The following NT5C2 variants were observed in gnomAD, a reference collection of about 807,000 sequenced individuals.
The protein encoded by NT5C2 is 5'-nucleotidase, cytosolic II.
Under a neutral mutation model 76.1 loss-of-function variants are expected in NT5C2, and 58 were observed. The ratio of observed to expected loss-of-function variants is 0.76; its 90% CI spans 0.62 to 0.95. The LOEUF (loss-of-function observed/expected upper bound fraction) is 0.95. NT5C2 is among the 40% of genes least tolerant of loss of function. NT5C2 has a pLI of 0.00. For missense variants in NT5C2, 478 were observed against 690.3 expected, an observed-to-expected ratio of 0.69 and a Z score of 3.45; for synonymous variants, 229 against 237.4, an observed-to-expected ratio of 0.96 and a Z score of 0.32.
At chr10:103,161,061 C>CAGT (rs539051213) in intron 3 of NT5C2, among the ~76,000 whole-genome samples, 25 of 152,248 alleles carry the variant, frequency 1.6e-4, no homozygotes, top group Non-Finnish European at 2.5e-4. Context: ...AACATTCATA[C>CAGT]ACTGCTAGAG....
chr10:103,093,756 C>A (rs559073029), intron 14 of NT5C2: 16 of 495,502 alleles, frequency 3.2e-5, no homozygotes, highest in Admixed American at 1.0e-4. Context: ...AAAAAAAAAA[C>A]TGATCATTTT....
intron 3 of NT5C2, 29 bp from the exon 4 acceptor site, chr10:103,139,508 C>A: frequency 7.3e-7 from 1 of 1,361,208 alleles, no homozygotes; most frequent in South Asian, 1.3e-5. Context: ...AATAATATCT[C>A]AACACTGGAA....
chr10:103,125,439 G>A lies in NT5C2; in HGVS notation c.175+13967C>T, dbSNP rs2076485131. The A allele has an allele frequency of 3.3e-5, 8 of 244,692 alleles. No homozygotes were observed. The South Asian group carries it at 3.8e-4, about 12-fold the overall frequency. The allele number at this position is 244,692 out of a possible 1,614,324, so 15.2% of individuals were successfully genotyped here. On this transcript the variant is annotated intron_variant, in intron 4 of 18. Coordinates refer to ENST00000404739, the MANE Select transcript of NT5C2 (RefSeq NM_001351169.2). The stretch of plus-strand genomic sequence containing the variant: ...CATTGTGGTGGCGTGGAAAGATGAT[G>A]GAAAGAAAAAAAAATCACTTCTTAC...
chr10:103,100,852 G>A (rs1347243716), intron 8 of NT5C2, 193 bp downstream of exon 8: 14 of 682,372 alleles, frequency 2.1e-5, no homozygotes, highest in Non-Finnish European at 3.2e-5. Flanking sequence ...AAGGAGAGGG[G>A]CCGTGTGGGA....
At chr10:103,107,534 G>A (rs370612366) in intron 4 of NT5C2, among the ~76,000 whole-genome samples, 5 of 151,804 alleles carry the variant, frequency 3.3e-5, no homozygotes, top group African/African-American at 7.3e-5. Flanking sequence ...AAAATTAGCC[G>A]GGTGTGGTGG....
chr10:103,134,955 T>TAAA, intron 4 of NT5C2, among the ~76,000 whole-genome samples: 1 of 152,370 alleles, frequency 6.6e-6, no homozygotes, highest in South Asian at 2.1e-4. Context: ...CCCCTTTGTT[T>TAAA]TGGCCAATTT....
intron 3 of NT5C2, among the ~76,000 whole-genome samples, chr10:103,174,361 C>T (rs2089246321): frequency 1.3e-5 from 2 of 151,968 alleles, no homozygotes; most frequent in Non-Finnish European, 2.9e-5. Context: ...ACTGAGACTG[C>T]ACCACTGCAC....
intron 3 of NT5C2, among the ~76,000 whole-genome samples, chr10:103,156,488 C>T (rs1256442079): frequency 6.6e-6 from 1 of 152,222 alleles, no homozygotes; most frequent in Non-Finnish European, 1.5e-5. Flanking sequence ...CGTGCCGTGG[C>T]TCATGCCTGT....
chr10:103,191,418 T>C (rs894363165), intron 1 of NT5C2, among the ~76,000 whole-genome samples: 1 of 143,784 alleles, frequency 7.0e-6, no homozygotes, highest in Non-Finnish European at 1.5e-5. Flanking sequence ...AGGAAATACT[T>C]AAAAAAAAAA....
chr10:103,174,396 C>T (rs1165732263), intron 3 of NT5C2, among the ~76,000 whole-genome samples: 1 of 152,168 alleles, frequency 6.6e-6, no homozygotes, highest in Non-Finnish European at 1.5e-5. Flanking sequence ...CAGAGTGAGA[C>T]TCTGTCTCAA....
chr10:103,092,255 T>C (rs1400526233), intron 15 of NT5C2, among the ~76,000 whole-genome samples: 1 of 152,208 alleles, frequency 6.6e-6, no homozygotes, highest in Admixed American at 6.5e-5. Flanking sequence ...TTGAGAAAAG[T>C]GTTACTCAAA....
chr10:103,097,914 C>T (rs1324579901), intron 10 of NT5C2: 1 of 447,742 alleles, frequency 2.2e-6, no homozygotes, highest in Non-Finnish European at 4.3e-6. Flanking sequence ...AGAAAAATAT[C>T]TTTTCCTTCT....
Position 103,089,333 on chromosome 10 carries a change from ACT to A in NT5C2, c.*337_*338del, listed in dbSNP as rs1491161200. The A allele has an allele frequency of 1.0e-4, 26 of 254,146 alleles. No homozygotes were observed. The South Asian group carries it at 3.7e-3, about 36-fold the overall frequency. The allele number at this position is 254,146 out of a possible 1,614,324, so 15.7% of individuals were successfully genotyped here. A position where few individuals can be genotyped will look rare whatever the true frequency, so the allele number is the denominator to read the frequency against. On this transcript the variant is annotated 3_prime_UTR_variant, in exon 19 of 19. Coordinates refer to ENST00000404739, the MANE Select transcript of NT5C2 (RefSeq NM_001351169.2). ...TTCCCACTCTTTGTTCCACTCTGAGACTCTTTCCTTTTCCTCGTGTATCCAGA... is the reference window on the plus strand; with the variant it reads ...TTCCCACTCTTTGTTCCACTCTGAGACTTTCCTTTTCCTCGTGTATCCAGA...
chr10:103,129,969 G>A (rs1244957304), intron 4 of NT5C2, among the ~76,000 whole-genome samples: 11 of 148,722 alleles, frequency 7.4e-5, no homozygotes, highest in Admixed American at 2.0e-4. Context: ...CGCCCTGTCC[G>A]GGAGGTGAGG....
chr10:103,094,326 A>G (rs1226710212), intron 13 of NT5C2, 22 bp downstream of exon 13: 6 of 1,406,360 alleles, frequency 4.3e-6, no homozygotes, highest in Non-Finnish European at 6.1e-6. Flanking sequence ...TGCTAGCAAG[A>G]CAGATCATTC....
At chr10:103,142,816 C>G (rs1172369268) in intron 3 of NT5C2, among the ~76,000 whole-genome samples, 1 of 151,928 alleles carries the variant, frequency 6.6e-6, no homozygotes, top group Non-Finnish European at 1.5e-5. Context: ...AACCCTGTCT[C>G]TACTAAAAAT....
At chr10:103,187,258 A>T (rs897386580) in intron 1 of NT5C2, among the ~76,000 whole-genome samples, 1 of 151,654 alleles carries the variant, frequency 6.6e-6, no homozygotes, top group Non-Finnish European at 1.5e-5. Flanking sequence ...TTAAAAAAAT[A>T]AAAAAGGCCA....
chr10:103,098,158 C>A, intron 10 of NT5C2: 1 of 465,876 alleles, frequency 2.1e-6, no homozygotes, highest in South Asian at 1.6e-5. Flanking sequence ...TAAAACAGTT[C>A]TAGACTTATA....
chr10:103,192,194 G>A (rs960451132), intron 1 of NT5C2, among the ~76,000 whole-genome samples: 2 of 152,126 alleles, frequency 1.3e-5, no homozygotes, highest in African/African-American at 4.8e-5. Context: ...TTCGTTGCTT[G>A]AAGAGGCGAA....
Sources: gnomAD v4.1 joint callset for allele counts (sites outside exome capture counted in the v4.1 genomes callset) on GRCh38, gnomAD v4.1.1 for gene constraint, MANE v1.5 for transcripts, NCBI Gene and HGNC (gene_info 2026-07-23, HGNC 2026-07-21) for gene names.